Variants in PLEKHA2 observed in about 807,000 individuals in gnomAD.
PLEKHA2 encodes pleckstrin homology domain containing A2, also known as pleckstrin homology domain-containing family A member 2.
PLEKHA2 carries 28 observed loss-of-function variants against 53.2 expected under a neutral mutation model. The observed-to-expected ratio is 0.53, with a 90% CI of 0.39 to 0.72. The LOEUF (loss-of-function observed/expected upper bound fraction) is 0.72. Among genes scored for constraint, PLEKHA2 ranks in the 30% least tolerant of loss-of-function variants. The pLI, the probability that PLEKHA2 is intolerant of heterozygous loss-of-function variation, is 0.00. For missense variants in PLEKHA2, 426 were observed against 537.9 expected (o/e 0.79, Z 2.06); for synonymous variants, 193 against 196.4 (o/e 0.98, Z 0.14).
intron 1 of PLEKHA2, among the ~76,000 whole-genome samples, chr8:38,913,996 C>A (rs1833993702): frequency 6.6e-6 from 1 of 152,206 alleles, no homozygotes; most frequent in Non-Finnish European, 1.5e-5. Context: ...TGTGCCTCCC[C>A]TGGCCCCTGC....
In PLEKHA2 at chr8:38,940,743, A is replaced by G. The variant is rs1834595884; in HGVS notation, c.199-3046A>G. 2.0e-5 allele frequency among the ~76,000 whole-genome samples: 3 copies of G among 151,444 alleles called. No individual in the cohort carries two copies. In the South Asian group the frequency reaches 6.3e-4, roughly 32 times the overall value. On this transcript the variant is annotated intron_variant, in intron 3 of 11. Coordinates refer to ENST00000617275, the MANE Select transcript of PLEKHA2 (RefSeq NM_021623.2). The stretch of plus-strand genomic sequence containing the variant: ...ACCAGCGTCCTCTTACTGTGAGTTG[A>G]CACACAACTGAATTTGGATCCTCTG...
At chr8:38,954,376 G>C (rs1244787626) in intron 9 of PLEKHA2, among the ~76,000 whole-genome samples, 1 of 152,202 alleles carries the variant, frequency 6.6e-6, no homozygotes, top group African/African-American at 2.4e-5. Flanking sequence ...CTAGAAGTAG[G>C]CAGAGGGAAG....
At chr8:38,918,148 C>A in intron 2 of PLEKHA2, 78 bp downstream of exon 2, 2 of 1,520,650 alleles carry the variant, frequency 1.3e-6, no homozygotes, top group Non-Finnish European at 8.9e-7. Flanking sequence ...GGGTTAGCCT[C>A]CAGGCCTAGG....
chr8:38,904,266 T>A, intron 1 of PLEKHA2, among the ~76,000 whole-genome samples: 1 of 152,356 alleles, frequency 6.6e-6, no homozygotes, highest in South Asian at 2.1e-4. Context: ...GGAATTGGGC[T>A]TTCTCACTGT....
intron 2 of PLEKHA2, among the ~76,000 whole-genome samples, chr8:38,923,172 A>G (rs1214671031): frequency 6.6e-6 from 1 of 152,178 alleles, no homozygotes; most frequent in East Asian, 1.9e-4. Context: ...AGCAGTTGCC[A>G]TTTTCCTTTG....
At chr8:38,930,440 G>A (rs566109304) in intron 2 of PLEKHA2, among the ~76,000 whole-genome samples, 1 of 152,284 alleles carries the variant, frequency 6.6e-6, no homozygotes, top group African/African-American at 2.4e-5. Context: ...CTGACCTCAG[G>A]TGATCCCCCT....
At chr8:38,928,236 C>CTTTTTTTTTTTTT (rs11414317) in intron 2 of PLEKHA2, among the ~76,000 whole-genome samples, 7 of 110,130 alleles carry the variant, frequency 6.4e-5, no homozygotes, top group Non-Finnish European at 8.8e-5. Flanking sequence ...CTGACCTGGT[C>CTTTTTTTTTTTTT]TTTTTTTTTT....
chr8:38,929,513 G>A (rs1319628427), intron 2 of PLEKHA2, among the ~76,000 whole-genome samples: 1 of 152,222 alleles, frequency 6.6e-6, no homozygotes, highest in African/African-American at 2.4e-5. Flanking sequence ...AATCAGGAAG[G>A]GTTGGGCTTG....
chr8:38,970,621 A>G lies in PLEKHA2; in HGVS notation c.*838A>G. Reference sequence around the variant, plus strand: ...AGATCAGCCTGGCCAACATGGTGAAACCCCGCCTCTACTAAAAAATATGCA... The same window carrying G: ...AGATCAGCCTGGCCAACATGGTGAAGCCCCGCCTCTACTAAAAAATATGCA... On this transcript the variant is annotated 3_prime_UTR_variant, in exon 12 of 12. Coordinates refer to ENST00000617275, the MANE Select transcript of PLEKHA2 (RefSeq NM_021623.2). The G allele has an allele frequency of 6.2e-6, 1 of 160,086 alleles. No individual in the cohort carries two copies. The highest frequency in any genetic ancestry group is 1.4e-5 in the Non-Finnish European group (1 of 71,904). The allele number at this position is 160,086 out of a possible 1,614,324, so 9.9% of individuals were successfully genotyped here.
intron 10 of PLEKHA2, among the ~76,000 whole-genome samples, chr8:38,965,064 T>C (rs766248522): frequency 1.3e-5 from 2 of 152,140 alleles, no homozygotes; most frequent in Non-Finnish European, 2.9e-5. Context: ...TATATTGTCT[T>C]TAATGAGCCC....
At chr8:38,923,912 C>A (rs748384355) in intron 2 of PLEKHA2, among the ~76,000 whole-genome samples, 1 of 152,208 alleles carries the variant, frequency 6.6e-6, no homozygotes. Flanking sequence ...AGTGCAGTGG[C>A]GCGATCTCAG....
chr8:38,967,355 T>C (rs1312319659), intron 10 of PLEKHA2, among the ~76,000 whole-genome samples: 2 of 152,204 alleles, frequency 1.3e-5, no homozygotes, highest in Non-Finnish European at 2.9e-5. Flanking sequence ...TTCTTTTCCT[T>C]TGGAGAGACA....
At chr8:38,955,034 C>CAAAT (rs1039523045) in intron 9 of PLEKHA2, among the ~76,000 whole-genome samples, 34 of 152,184 alleles carry the variant, frequency 2.2e-4, no homozygotes, top group Non-Finnish European at 3.8e-4. Flanking sequence ...AACTCTGTCT[C>CAAAT]AAATAAATAA....
Position 38,956,891 on chromosome 8 carries a change from G to A in PLEKHA2, c.774-432G>A, listed in dbSNP as rs539594568. ...ATGGGGGAAGTCTTAAGTGCCCCCC[G>A]GGGCTGTTGTGAAGATTAGATGAAA... On this transcript the variant is annotated intron_variant, in intron 9 of 11. Transcript: ENST00000617275. 2.2e-4 allele frequency among the ~76,000 whole-genome samples: 33 copies of A among 152,286 alleles called. No homozygotes were observed. The South Asian group carries it at 6.2e-3, about 29-fold the overall frequency.
At chr8:38,954,749 C>T (rs559434432) in intron 9 of PLEKHA2, among the ~76,000 whole-genome samples, 42 of 152,206 alleles carry the variant, frequency 2.8e-4, no homozygotes, top group African/African-American at 9.6e-4. Flanking sequence ...CTTTTTAGGC[C>T]GGGCGTGGTG....
At chr8:38,921,120 G>T (rs1834185184) in intron 2 of PLEKHA2, among the ~76,000 whole-genome samples, 1 of 152,178 alleles carries the variant, frequency 6.6e-6, no homozygotes, top group South Asian at 2.1e-4. Context: ...GGTTTCAAGC[G>T]ATGCTTCTGC....
At chr8:38,902,226 G>GGC (rs1554552785) in intron 1 of PLEKHA2, among the ~76,000 whole-genome samples, 1 of 137,376 alleles carries the variant, frequency 7.3e-6, no homozygotes, top group Non-Finnish European at 1.6e-5. Flanking sequence ...GGTGTGGGGG[G>GGC]GGGTGGTGGG....
intron 2 of PLEKHA2, among the ~76,000 whole-genome samples, chr8:38,926,303 A>G (rs1360193080): frequency 6.6e-6 from 1 of 152,180 alleles, no homozygotes; most frequent in East Asian, 1.9e-4. Context: ...AAAAATCCCA[A>G]AAGAAGATTA....
chr8:38,924,440 G>A (rs1045620616), intron 2 of PLEKHA2, among the ~76,000 whole-genome samples: 2 of 152,148 alleles, frequency 1.3e-5, no homozygotes, highest in African/African-American at 4.8e-5. Context: ...GGGGAAGGAG[G>A]ACAGGGAAGG....
Sources: gnomAD v4.1 joint callset for allele counts (sites outside exome capture counted in the v4.1 genomes callset) on GRCh38, gnomAD v4.1.1 for gene constraint, MANE v1.5 for transcripts, NCBI Gene and HGNC (gene_info 2026-07-23, HGNC 2026-07-21) for gene names.